The following ARHGAP10 variants were observed in gnomAD, a reference collection of about 807,000 sequenced individuals.
The protein encoded by ARHGAP10 is Rho GTPase activating protein 10.
ARHGAP10 carries 87 observed loss-of-function variants against 108.6 expected under a neutral mutation model. The observed-to-expected ratio is 0.80, with a 90% CI of 0.67 to 0.96. The LOEUF (loss-of-function observed/expected upper bound fraction) is 0.96, where lower values mean the gene tolerates loss of function less well. ARHGAP10 is among the 40% of genes least tolerant of loss of function. The pLI, the probability that ARHGAP10 is intolerant of heterozygous loss-of-function variation, is 0.00. For missense variants in ARHGAP10, 939 were observed against 954.5 expected, an observed-to-expected ratio of 0.98 and a Z score of 0.21; for synonymous variants, 347 against 341.1, an observed-to-expected ratio of 1.02 and a Z score of -0.19.
At chr4:147,797,933 C>T (rs557329936) in intron 1 of ARHGAP10, among the ~76,000 whole-genome samples, 2 of 151,948 alleles carry the variant, frequency 1.3e-5, no homozygotes, top group Non-Finnish European at 2.9e-5. Flanking sequence ...CTCATCCCAT[C>T]CCTCTCCTCT....
chr4:147,930,929 C>T (rs1290535384), intron 13 of ARHGAP10, among the ~76,000 whole-genome samples: 1 of 152,160 alleles, frequency 6.6e-6, no homozygotes, highest in Non-Finnish European at 1.5e-5. Context: ...TGTTGCTTCT[C>T]CAGCCCACCT....
At chr4:147,790,338 T>G (rs1731068390) in intron 1 of ARHGAP10, among the ~76,000 whole-genome samples, 1 of 152,200 alleles carries the variant, frequency 6.6e-6, no homozygotes. Flanking sequence ...ACATGGGGGT[T>G]AGTGTTTCAA....
At chr4:147,759,238 T>C (rs1414763826) in intron 1 of ARHGAP10, among the ~76,000 whole-genome samples, 1 of 152,216 alleles carries the variant, frequency 6.6e-6, no homozygotes, top group Non-Finnish European at 1.5e-5. Flanking sequence ...GTATGTTGTC[T>C]CATTGAAGAA....
At chr4:147,855,682 G>GT (rs566406361) in intron 4 of ARHGAP10, among the ~76,000 whole-genome samples, 10,320 of 124,714 alleles carry the variant, frequency 0.083, 730 homozygotes, top group African/African-American at 0.18. Flanking sequence ...TTGTCAGATG[G>GT]TTTTTTTTTT....
intron 18 of ARHGAP10, among the ~76,000 whole-genome samples, chr4:147,970,040 G>T (rs972441679): frequency 1.2e-4 from 18 of 152,120 alleles, no homozygotes; most frequent in Non-Finnish European, 2.9e-5. Flanking sequence ...ACAGTTCTGA[G>T]AACCTAAATT....
intron 7 of ARHGAP10, among the ~76,000 whole-genome samples, chr4:147,870,999 G>A (rs1222890557): frequency 6.7e-6 from 1 of 148,812 alleles, no homozygotes; most frequent in Non-Finnish European, 1.5e-5. Context: ...TTGCTCTGTT[G>A]CCCAGGCTGG....
intron 14 of ARHGAP10, among the ~76,000 whole-genome samples, chr4:147,945,897 G>A (rs917723166): frequency 1.3e-5 from 2 of 152,050 alleles, no homozygotes; most frequent in Non-Finnish European, 2.9e-5. Context: ...TCCCACCAGC[G>A]GGCTCCCACC....
chr4:148,015,919 A>G (rs1023660488), intron 18 of ARHGAP10, among the ~76,000 whole-genome samples: 2 of 152,198 alleles, frequency 1.3e-5, no homozygotes, highest in African/African-American at 2.4e-5. Flanking sequence ...CTGCTTATGG[A>G]TAAGTGTAGT....
At chr4:147,802,741 T>C (rs909388881) in intron 1 of ARHGAP10, among the ~76,000 whole-genome samples, 1 of 152,250 alleles carries the variant, frequency 6.6e-6, no homozygotes, top group African/African-American at 2.4e-5. Flanking sequence ...TTCTTGTTAA[T>C]ATCTGTCAAA....
At chr4:147,955,224 A>T in intron 15 of ARHGAP10, 92 bp from the exon 16 acceptor site, 1 of 1,217,100 alleles carries the variant, frequency 8.2e-7, no homozygotes, top group Non-Finnish European at 1.2e-6. Context: ...TAATTAAGAA[A>T]TGCATAACAA....
chr4:147,954,447 A>G (rs181110798), intron 15 of ARHGAP10, among the ~76,000 whole-genome samples: 3 of 151,856 alleles, frequency 2.0e-5, no homozygotes, highest in Non-Finnish European at 2.9e-5. Flanking sequence ...ATATGAAATG[A>G]CCTTCTTTAT....
chr4:147,922,544 C>T (rs1011676227), intron 13 of ARHGAP10, among the ~76,000 whole-genome samples: 1 of 151,146 alleles, frequency 6.6e-6, no homozygotes, highest in Non-Finnish European at 1.5e-5. Flanking sequence ...AAAAAATAGC[C>T]GGGCGTAGTG....
intron 13 of ARHGAP10, among the ~76,000 whole-genome samples, chr4:147,931,499 A>G (rs1737681241): frequency 1.3e-5 from 2 of 152,192 alleles, no homozygotes; most frequent in Admixed American, 1.3e-4. Context: ...CCAAGTCTAT[A>G]TCTATAGTTC....
intron 1 of ARHGAP10, among the ~76,000 whole-genome samples, chr4:147,761,885 G>A (rs927057536): frequency 6.6e-6 from 1 of 151,068 alleles, no homozygotes; most frequent in South Asian, 2.1e-4. Flanking sequence ...ACTTGCTTTG[G>A]ACTTTATGTA....
chr4:147,935,330 G>A (rs763618808), intron 13 of ARHGAP10, among the ~76,000 whole-genome samples: 3 of 152,132 alleles, frequency 2.0e-5, no homozygotes, highest in East Asian at 1.9e-4. Context: ...AATAATAGTG[G>A]TTTGAAAATA....
intron 7 of ARHGAP10, among the ~76,000 whole-genome samples, chr4:147,871,504 T>C (rs1734821732): frequency 6.6e-6 from 1 of 152,240 alleles, no homozygotes; most frequent in Admixed American, 6.5e-5. Context: ...TAAGGCTTAA[T>C]TTAAAGCTAG....
intron 16 of ARHGAP10, among the ~76,000 whole-genome samples, chr4:147,959,524 C>T (rs956452937): frequency 2.0e-5 from 3 of 152,054 alleles, no homozygotes; most frequent in Non-Finnish European, 4.4e-5. Context: ...CCGCTCCCCC[C>T]ACCCCACGAC....
At chr4:147,812,079 CTCCTGA>C (rs1732048596) in intron 1 of ARHGAP10, among the ~76,000 whole-genome samples, 1 of 152,140 alleles carries the variant, frequency 6.6e-6, no homozygotes. Context: ...TCGAGGCAAC[CTCCTGA>C]TGGGTGAGAG....
chr4:148,008,393 G>T (rs993538929), intron 18 of ARHGAP10, among the ~76,000 whole-genome samples: 1 of 151,878 alleles, frequency 6.6e-6, no homozygotes, highest in Non-Finnish European at 1.5e-5. Context: ...GTTTTAAAGT[G>T]GTGGATCTCA....
Sources: gnomAD v4.1 joint callset for allele counts (sites outside exome capture counted in the v4.1 genomes callset) on GRCh38, gnomAD v4.1.1 for gene constraint, MANE v1.5 for transcripts, NCBI Gene and HGNC (gene_info 2026-07-23, HGNC 2026-07-21) for gene names.